Variants in SLC12A6 observed in about 807,000 individuals in gnomAD.
SLC12A6 encodes the protein K-Cl cotransporter 3.
A neutral mutation model predicts 135.3 loss-of-function variants in SLC12A6; 66 were observed. That is an observed-to-expected ratio of 0.49 (90% CI 0.40 to 0.60). The LOEUF is 0.60. Among genes scored for constraint, SLC12A6 ranks in the 20% least tolerant of loss-of-function variants. The pLI, the probability that SLC12A6 is intolerant of heterozygous loss-of-function variation, is 0.00. For synonymous variants in SLC12A6, 513 were observed against 508.8 expected (o/e 1.01, Z -0.11); for missense variants, 1,058 against 1,452.3 (o/e 0.73, Z 4.41).
rs185489078 is a variant in SLC12A6 at position 34,253,141 on chromosome 15, C to G, written c.1119-757G>C. On this transcript the variant is annotated intron_variant, in intron 9 of 25. Coordinates refer to ENST00000354181, the MANE Select transcript of SLC12A6 (RefSeq NM_001365088.1). ...TAGTTAAAATACCTCTCAGGTCCAA[C>G]AAAGGGACTTCTAAAATTTGCAAAA... Among the ~76,000 whole-genome samples the G allele has an allele frequency of 6.6e-5, 10 of 152,286 alleles. No homozygotes were observed. The East Asian group carries it at 1.9e-3, about 29-fold the overall frequency.
chr15:34,273,731 C>T (rs1032787548), intron 3 of SLC12A6, among the ~76,000 whole-genome samples: 6 of 152,158 alleles, frequency 3.9e-5, no homozygotes, highest in African/African-American at 1.4e-4. Flanking sequence ...AGCCTCAAAT[C>T]AAAGCATACA....
At position 34,240,666 on chromosome 15, in the gene SLC12A6, C is replaced by G; in HGVS notation, c.2431G>C (p.Glu811Gln). Residue 811 changes from glutamate to glutamine, a missense_variant, in exon 19 of 26, where the codon GAG becomes CAG. Physicochemically the swap from Glu to Gln is conservative, Grantham distance 29. This residue lies in a region of SLC12A6 where 245 missense variants were observed against 440.8 expected (regional missense o/e 0.56). Transcript: ENST00000354181. ...LENYGEALAAEQTIKHLMEAE... is the reference protein window; with the variant it reads ...LENYGEALAAQQTIKHLMEAE... Reference sequence around the variant, plus strand: ...CTCAAAAGCCTGACTCTTACCTGCTCAGCAGCTAAAGCTTCACCGTAGTTC... The same window carrying G: ...CTCAAAAGCCTGACTCTTACCTGCTGAGCAGCTAAAGCTTCACCGTAGTTC... 1 of 1,613,538 alleles carries G rather than the reference C, an allele frequency of 6.2e-7. No homozygotes were observed. Among genetic ancestry groups the G allele is most frequent in the Non-Finnish European group, 8.5e-7 (1 of 1,179,470 alleles).
chr15:34,243,609 G>A (rs372945785), intron 16 of SLC12A6, among the ~76,000 whole-genome samples: 1 of 152,144 alleles, frequency 6.6e-6, no homozygotes, highest in Non-Finnish European at 1.5e-5. Context: ...TTTGCTGAAG[G>A]TTACAAAGCT....
chr15:34,296,030 T>C lies in SLC12A6; in HGVS notation c.272-20641A>G, dbSNP rs145940842. On this transcript the variant is annotated intron_variant, in intron 2 of 25. Transcript: ENST00000354181. ...ACAAACAAACACACAGTTTGGAATGTTGTGATACAATTATTTATAATAGTA... is the reference window on the plus strand; with the variant it reads ...ACAAACAAACACACAGTTTGGAATGCTGTGATACAATTATTTATAATAGTA... 8.1e-4 allele frequency among the ~76,000 whole-genome samples: 123 copies of C among 152,268 alleles called. 5 individuals carry two copies. The highest frequency in any genetic ancestry group is 3.4e-3 in the Middle Eastern group (1 of 294).
At chr15:34,324,768 G>GTATC (rs898894852) in intron 2 of SLC12A6, among the ~76,000 whole-genome samples, 8 of 151,484 alleles carry the variant, frequency 5.3e-5, no homozygotes, top group Non-Finnish European at 1.2e-4. Context: ...CTCGAGTGTG[G>GTATC]TATCATTTAG....
intron 18 of SLC12A6, 53 bp downstream of exon 18, chr15:34,241,180 A>G (rs1434293693): frequency 8.5e-6 from 8 of 945,768 alleles, no homozygotes; most frequent in Admixed American, 1.7e-5. Flanking sequence ...AACAAAACAC[A>G]TATTTTTGTG....
At chr15:34,274,177 C>T (rs1205562091) in intron 3 of SLC12A6, among the ~76,000 whole-genome samples, 1 of 152,160 alleles carries the variant, frequency 6.6e-6, no homozygotes, top group Non-Finnish European at 1.5e-5. Context: ...ACTCTTCCAT[C>T]ACAAACAAAG....
Position 34,238,298 on chromosome 15 carries a change from A to G in SLC12A6, c.2736T>C (p.Asp912=), listed in dbSNP as rs761418960. 4.1e-5 allele frequency: 66 copies of G among 1,613,674 alleles called. 1 individual carries two copies. The South Asian group carries it at 6.0e-4, about 15-fold the overall frequency. Residue 912 remains aspartate (D), a synonymous_variant, in exon 21 of 26, where the codon GAT becomes GAC. Transcript: ENST00000354181. ...NVEQFSEGNI[D]VWWIVHDGGM... is the part of the protein sequence containing the mutation. ...CCCCATCATGCACAATCCACCACACATCAATGTTGCCCTCAGAAAATTGCT... is the reference window on the plus strand; with the variant it reads ...CCCCATCATGCACAATCCACCACACGTCAATGTTGCCCTCAGAAAATTGCT...
rs1365416079 is a variant in SLC12A6 at position 34,254,462 on chromosome 15, A to G, written c.1004T>C (p.Ile335Thr). The G allele has an allele frequency of 6.2e-7, 1 of 1,614,044 alleles. No individual in the cohort carries two copies. Among genetic ancestry groups the G allele is most frequent in the Admixed American group, 1.7e-5 (1 of 60,012 alleles). Residue 335 changes from isoleucine (I) to threonine (T), a missense_variant, in exon 9 of 26, where the codon ATC becomes ACC. This residue lies in a region of SLC12A6 where 297 missense variants were observed against 318.5 expected (regional missense o/e 0.93). Coordinates refer to ENST00000354181, the MANE Select transcript of SLC12A6 (RefSeq NM_001365088.1). ...FLVLMVLVVF[I>T]GVRYVNKFAS... ...AAACTTGTTCACATAGCGTACGCCG[A>G]TAAATACCACTAATACCATAAGGAC... is the stretch of plus-strand genomic sequence containing the variant.
chr15:34,258,562 G>A (rs1440819805), intron 5 of SLC12A6, among the ~76,000 whole-genome samples: 1 of 152,120 alleles, frequency 6.6e-6, no homozygotes, highest in Non-Finnish European at 1.5e-5. Context: ...TTTTTTGCTC[G>A]GGAATTTATC....
chr15:34,271,651 T>C (rs1340954034), intron 3 of SLC12A6, among the ~76,000 whole-genome samples: 1 of 146,634 alleles, frequency 6.8e-6, no homozygotes, highest in African/African-American at 2.5e-5. Flanking sequence ...AAATCACAGG[T>C]GTACAGCTTG....
intron 2 of SLC12A6, among the ~76,000 whole-genome samples, chr15:34,331,005 G>A (rs1168141696): frequency 6.6e-6 from 1 of 151,758 alleles, no homozygotes; most frequent in Non-Finnish European, 1.5e-5. Context: ...CCGCACCATT[G>A]CACTCCAGCC....
At chr15:34,333,721 A>C (rs1427570298) in intron 2 of SLC12A6, among the ~76,000 whole-genome samples, 1 of 152,204 alleles carries the variant, frequency 6.6e-6, no homozygotes, top group Non-Finnish European at 1.5e-5. Context: ...CAGAAAGAAA[A>C]CTACTCAGAA....
chr15:34,252,078 G>C lies in SLC12A6; in HGVS notation c.1333+92C>G, dbSNP rs1941466114. 3 of 720,360 alleles carry C rather than the reference G, an allele frequency of 4.2e-6. No individual in the cohort carries two copies. In the Admixed American group the frequency reaches 6.1e-5, roughly 15 times the overall value. 44.6% of individuals were successfully genotyped at this position (720,360 alleles called of 1,614,324 possible). ...AGAAGGGAATTAGCACCATGGCAGT[G>C]AATCTTTATGGACAGTAGAGGAATC... On this transcript the variant is annotated intron_variant, in intron 10 of 25. Transcript: ENST00000354181.
intron 15 of SLC12A6, 41 bp downstream of exon 15, chr15:34,245,244 C>T (rs1370654956): frequency 1.9e-6 from 2 of 1,054,642 alleles, no homozygotes; most frequent in Non-Finnish European, 3.0e-6. Context: ...CATTATTTAT[C>T]ATTTAAGCAA....
intron 2 of SLC12A6, among the ~76,000 whole-genome samples, chr15:34,284,279 T>TTTC (rs1894890459): frequency 9.6e-6 from 1 of 103,996 alleles, no homozygotes. Flanking sequence ...TTTCTTTTCT[T>TTTC]TTTTTTTTTT....
intron 10 of SLC12A6, 86 bp from the exon 11 acceptor site, chr15:34,251,143 GCTC>G (rs1299273984): frequency 1.9e-5 from 19 of 1,017,290 alleles, no homozygotes; most frequent in Non-Finnish European, 2.9e-5. Context: ...TCAAAATCAG[GCTC>G]CTCATTTATA....
At chr15:34,264,771 T>C (rs1313573349) in intron 3 of SLC12A6, among the ~76,000 whole-genome samples, 1 of 152,216 alleles carries the variant, frequency 6.6e-6, no homozygotes, top group African/African-American at 2.4e-5. Context: ...TTGATGAAGC[T>C]GGGTGATGCA....
At chr15:34,284,270 T>C (rs1299253460) in intron 2 of SLC12A6, among the ~76,000 whole-genome samples, 1 of 141,414 alleles carries the variant, frequency 7.1e-6, no homozygotes, top group Non-Finnish European at 1.5e-5. Flanking sequence ...CTTTCTTTGT[T>C]TCTTTTCTTT....
Sources: allele counts gnomAD v4.1 joint callset (sites outside exome capture counted in the v4.1 genomes callset), GRCh38; gene constraint gnomAD v4.1.1; regional missense constraint gnomAD v4.1.1; transcripts MANE v1.5; gene names NCBI Gene and HGNC (gene_info 2026-07-23, HGNC 2026-07-21).